The following CCDC146 variants were observed in gnomAD, a reference collection of about 807,000 sequenced individuals.
CCDC146 encodes the protein coiled-coil domain containing 146, also known as coiled-coil domain-containing protein 146.
CCDC146 carries 92 observed loss-of-function variants against 119.3 expected under a neutral mutation model. The observed-to-expected ratio is 0.77, with a 90% confidence interval of 0.65 to 0.92. The LOEUF is 0.92. Ranked by LOEUF, CCDC146 falls within the 40% of genes least tolerant of loss-of-function variation. CCDC146 has a pLI of 0.00. For missense variants in CCDC146, 1,000 were observed against 1,103.0 expected, an observed-to-expected ratio of 0.91 and a Z score of 1.32; for synonymous variants, 372 against 371.8, an observed-to-expected ratio of 1.00 and a Z score of -0.01.
At chr7:77,192,563 GAAGTAT>G (rs1210972040) in intron 2 of CCDC146, among the ~76,000 whole-genome samples, 3 of 152,216 alleles carry the variant, frequency 2.0e-5, no homozygotes, top group African/African-American at 7.2e-5. Context: ...TAGTATGGCA[GAAGTAT>G]AAGTAGTGGT....
Position 77,257,031 on chromosome 7 carries a change from G to A in CCDC146, c.684+522G>A, listed in dbSNP as rs564699810. On this transcript the variant is annotated intron_variant, in intron 6 of 18. Coordinates refer to ENST00000285871, the MANE Select transcript of CCDC146 (RefSeq NM_020879.3). ...TGAGGCAGGAGAATTGCTTGAACCC[G>A]GGAGGTGGAGATTGCAGTGAGCTGA... Among the ~76,000 whole-genome samples, 284 of 152,120 alleles carry A rather than the reference G, an allele frequency of 1.9e-3. 1 individual carries two copies. Among genetic ancestry groups the A allele is most frequent in the Non-Finnish European group, 3.4e-3 (229 of 67,982 alleles).
intron 1 of CCDC146, among the ~76,000 whole-genome samples, chr7:77,139,519 AG>A (rs1390745154): frequency 1.3e-5 from 2 of 152,234 alleles, no homozygotes; most frequent in Non-Finnish European, 2.9e-5. Flanking sequence ...GATGGACTCT[AG>A]GTGATTATGA....
At chr7:77,204,471 C>T (rs1427702725) in intron 2 of CCDC146, among the ~76,000 whole-genome samples, 1 of 152,100 alleles carries the variant, frequency 6.6e-6, no homozygotes, top group African/African-American at 2.4e-5. Context: ...AGAAGTCTTC[C>T]AATATGGACC....
chr7:77,149,088 C>G (rs1223352786), intron 1 of CCDC146, among the ~76,000 whole-genome samples: 4 of 152,124 alleles, frequency 2.6e-5, no homozygotes, highest in Non-Finnish European at 5.9e-5. Context: ...TACTACAAAG[C>G]TACAGGAACC....
At position 77,256,466 on chromosome 7, in the gene CCDC146, A is replaced by G; in HGVS notation, c.641A>G (p.Gln214Arg). 1 of 1,605,636 alleles carries G rather than the reference A, an allele frequency of 6.2e-7. No individual in the cohort carries two copies. Among genetic ancestry groups the G allele is most frequent in the Non-Finnish European group, 8.5e-7 (1 of 1,177,946 alleles). The stretch of plus-strand genomic sequence containing the variant: ...AAACAAAAGCAATTATTAAAAGAGC[A>G]GAAGGAACTAGAAGAATTGTTGGGA... ...ASKQKQLLKE[Q>R]KELEELLGHQ... The change falls in exon 6 of 19, where the codon CAG becomes CGG. Residue 214 changes from glutamine to arginine, a missense_variant. Coordinates refer to ENST00000285871, the MANE Select transcript of CCDC146 (RefSeq NM_020879.3).
At chr7:77,208,840 T>G (rs1792126423) in intron 2 of CCDC146, among the ~76,000 whole-genome samples, 1 of 152,210 alleles carries the variant, frequency 6.6e-6, no homozygotes, top group Admixed American at 6.5e-5. Context: ...CCCAAGTAGC[T>G]GGCACTGCAG....
chr7:77,140,013 G>A (rs564413881), intron 1 of CCDC146, among the ~76,000 whole-genome samples: 1 of 151,876 alleles, frequency 6.6e-6, no homozygotes, highest in East Asian at 1.9e-4. Flanking sequence ...TCCTGCCTCA[G>A]CCTCCCCAGT....
intron 11 of CCDC146, 49 bp downstream of exon 11, chr7:77,274,701 T>C (rs1280597683): frequency 1.2e-5 from 17 of 1,464,394 alleles, no homozygotes; most frequent in Non-Finnish European, 1.6e-5. Flanking sequence ...GAGTTCAGGG[T>C]AGCCTCATTA....
chr7:77,148,365 G>A (rs1020312415), intron 1 of CCDC146, among the ~76,000 whole-genome samples: 1 of 152,080 alleles, frequency 6.6e-6, no homozygotes, highest in Admixed American at 6.6e-5. Context: ...TCCTGGGTGA[G>A]GCGATGCCTC....
At chr7:77,142,678 T>C (rs1790954554) in intron 1 of CCDC146, among the ~76,000 whole-genome samples, 2 of 151,756 alleles carry the variant, frequency 1.3e-5, no homozygotes, top group Admixed American at 1.3e-4. Flanking sequence ...GGTTTTTTGT[T>C]CTTGCGATAG....
chr7:77,162,924 G>A (rs1026587778), intron 1 of CCDC146, among the ~76,000 whole-genome samples: 1 of 152,058 alleles, frequency 6.6e-6, no homozygotes, highest in African/African-American at 2.4e-5. Context: ...TCAGAACTCT[G>A]TTGTAGTGTC....
At chr7:77,236,885 C>A in intron 2 of CCDC146, 62 bp from the exon 3 acceptor site, 1 of 1,209,804 alleles carries the variant, frequency 8.3e-7, no homozygotes, top group South Asian at 1.2e-5. Context: ...ATATCCATTC[C>A]ATCCCCTGCT....
At position 77,126,711 on chromosome 7, in the gene CCDC146, A is replaced by G. The variant is rs564610696; in HGVS notation, c.-12+3979A>G. On this transcript the variant is annotated intron_variant, in intron 1 of 18. Coordinates refer to ENST00000285871, the MANE Select transcript of CCDC146 (RefSeq NM_020879.3). ...CAGCTGGTCCTTGTGTAGTCTGTCT[A>G]TCCTCTTCGTCCTTTGGCCATCGTC... Among the ~76,000 whole-genome samples the G allele has an allele frequency of 3.3e-5, 5 of 152,114 alleles. No individual in the cohort carries two copies. In the East Asian group the frequency reaches 9.7e-4, roughly 29 times the overall value.
intron 2 of CCDC146, among the ~76,000 whole-genome samples, chr7:77,209,964 C>T (rs1482894234): frequency 2.0e-5 from 3 of 152,340 alleles, no homozygotes; most frequent in South Asian, 2.1e-4. Flanking sequence ...CCTCCTAGGC[C>T]TCCAGGCCTG....
At chr7:77,207,250 TG>T (rs1241842687) in intron 2 of CCDC146, among the ~76,000 whole-genome samples, 1 of 152,240 alleles carries the variant, frequency 6.6e-6, no homozygotes, top group Non-Finnish European at 1.5e-5. Context: ...TATTTTTTCT[TG>T]TTCTACTTCT....
Position 77,262,171 on chromosome 7 carries a change from A to G in CCDC146, c.1037A>G (p.Tyr346Cys). Residue 346 changes from tyrosine (Y) to cysteine (C), a missense_variant, in exon 9 of 19, where the codon TAC (tyrosine) becomes TGC (cysteine). Tyr to Cys is a radical substitution (Grantham distance 194). Around this residue, in one of 2 missense-constraint regions of CCDC146, gnomAD observed 985 missense variants for 1,045.3 expected, o/e 0.94. Transcript: ENST00000285871. The stretch of plus-strand genomic sequence containing the variant: ...AACAGTCTCATTGACAAGCAGAACT[A>G]CCATGATGAACTTTCTCGTAAGCAA... ...LRNSLIDKQNYHDELSRKQRE... is the reference protein window; with the variant it reads ...LRNSLIDKQNCHDELSRKQRE... The G allele has an allele frequency of 6.2e-7, 1 of 1,613,694 alleles. No individual in the cohort carries two copies. The highest frequency in any genetic ancestry group is 8.5e-7 in the Non-Finnish European group (1 of 1,179,816).
At chr7:77,184,017 T>A (rs1268339416) in intron 2 of CCDC146, among the ~76,000 whole-genome samples, 1 of 152,212 alleles carries the variant, frequency 6.6e-6, no homozygotes, top group Non-Finnish European at 1.5e-5. Context: ...CAACCTAAGT[T>A]CTCAGTGATT....
chr7:77,165,537 C>CA (rs1791326977), intron 1 of CCDC146, among the ~76,000 whole-genome samples: 2 of 152,096 alleles, frequency 1.3e-5, no homozygotes, highest in African/African-American at 2.4e-5. Flanking sequence ...TGGGGTATCA[C>CA]AGAGTCCCAA....
At chr7:77,123,545 C>T (rs901468751) in intron 1 of CCDC146, among the ~76,000 whole-genome samples, 11 of 151,936 alleles carry the variant, frequency 7.2e-5, no homozygotes, top group African/African-American at 2.7e-4. Flanking sequence ...CCTGGTTTCT[C>T]TCTCCCCCTC....
Sources: gnomAD v4.1 joint callset for allele counts (sites outside exome capture counted in the v4.1 genomes callset) on GRCh38, gnomAD v4.1.1 for gene constraint, gnomAD v4.1.1 regional missense constraint, MANE v1.5 for transcripts, NCBI Gene and HGNC (gene_info 2026-07-23, HGNC 2026-07-21) for gene names.